Variants in ZNF655 observed in about 807,000 individuals in gnomAD.
ZNF655 encodes Vav-interacting Kruppel-like protein 1.
ZNF655 carries 3 observed loss-of-function variants against 6.6 expected under a neutral mutation model. That is an observed-to-expected ratio of 0.46 (90% confidence interval 0.21 to 1.18). ZNF655 has a LOEUF of 1.18. Ranked by LOEUF, ZNF655 falls within the 50% of genes most tolerant of loss-of-function variation. The pLI is 0.24. For synonymous variants in ZNF655, 178 were observed against 195.0 expected (o/e 0.91, Z 0.73); for missense variants, 526 against 572.3 (o/e 0.92, Z 0.83).
In ZNF655 at chr7:99,572,762, G is replaced by A; in HGVS notation, c.654G>A (p.Gly218=). The A allele has an allele frequency of 6.2e-7, 1 of 1,613,098 alleles. No individual in the cohort carries two copies. The highest frequency in any genetic ancestry group is 8.5e-7 in the Non-Finnish European group (1 of 1,179,838). ...AATCCTATAAATGTGATGTATGTGG[G>A]AAAATTTTCCATCAGAGCTCAGCCC... ...TEKSYKCDVC[G]KIFHQSSALT... The change falls in exon 3 of 3, where the codon GGG becomes GGA. Residue 218 remains glycine (G), a synonymous_variant. Transcript: ENST00000252713.
chr7:99,563,884 C>T (rs1803416280), intron 2 of ZNF655: 1 of 1,611,288 alleles, frequency 6.2e-7, no homozygotes, highest in Non-Finnish European at 8.5e-7. Context: ...CGCCTTCCCA[C>T]CACCCGGATT....
rs1278076144 is a variant in ZNF655, at chr7:99,562,322, C to T, written c.136+1627C>T. 3 of 1,609,158 alleles carry T rather than the reference C, an allele frequency of 1.9e-6. No individual in the cohort carries two copies. In the African/African-American group the frequency reaches 4.0e-5, roughly 21 times the overall value. On this transcript the variant is annotated intron_variant, in intron 2 of 2. Coordinates refer to ENST00000252713, the MANE Select transcript of ZNF655 (RefSeq NM_138494.3). Reference sequence around the variant, plus strand: ...TGATCTTCATTCTCTGGCCATGGTGCTACAGTGTTCTCATTCCTCAGAGCA... The same window carrying T: ...TGATCTTCATTCTCTGGCCATGGTGTTACAGTGTTCTCATTCCTCAGAGCA...
intron 2 of ZNF655, chr7:99,563,874 C>T (rs200897839): frequency 3.4e-5 from 55 of 1,596,722 alleles, no homozygotes; most frequent in Admixed American, 2.7e-4. Flanking sequence ...CATACTTCTC[C>T]GCCTTCCCAC....
At position 99,572,553 on chromosome 7, in the gene ZNF655, A is replaced by G. The variant is rs1273680; in HGVS notation, c.445A>G (p.Arg149Gly). 9.2e-5 allele frequency: 148 copies of G among 1,613,874 alleles called. No homozygotes were observed. The highest frequency in any genetic ancestry group is 9.5e-5 in the Non-Finnish European group (112 of 1,179,970). ...SLDSTIDADQ[R>G]VLRIQNTDDN... ...GGACTCTACTATTGATGCAGATCAG[A>G]GAGTTCTTAGAATACAGAATACCGA... Residue 149 changes from arginine (R) to glycine (G), a missense_variant, in exon 3 of 3, where the codon AGA becomes GGA. By Grantham distance (125) the Arg-to-Gly change is moderately radical (BLOSUM62 -2). Coordinates refer to ENST00000252713, the MANE Select transcript of ZNF655 (RefSeq NM_138494.3).
At chr7:99,564,612 C>T (rs975668102) in intron 2 of ZNF655, 1 of 985,242 alleles carries the variant, frequency 1.0e-6, no homozygotes. Flanking sequence ...AATTGAATAT[C>T]TACTTAATAA....
chr7:99,566,697 A>C (rs1202899079), intron 2 of ZNF655, among the ~76,000 whole-genome samples: 1 of 152,048 alleles, frequency 6.6e-6, no homozygotes, highest in East Asian at 1.9e-4. Flanking sequence ...GGTAGCTGGG[A>C]CTATAGGCCT....
intron 2 of ZNF655, chr7:99,563,870 TCTC>T: frequency 6.2e-7 from 1 of 1,611,072 alleles, no homozygotes; most frequent in Non-Finnish European, 8.5e-7. Flanking sequence ...TAGGCATACT[TCTC>T]CGCCTTCCCA....
At chr7:99,564,574 A>G (rs928810821) in intron 2 of ZNF655, 16 of 985,544 alleles carry the variant, frequency 1.6e-5, no homozygotes, top group Non-Finnish European at 1.9e-5. Context: ...AGGGAGGGCA[A>G]AGAAGTTAAA....
chr7:99,566,041 G>GTGTGTA (rs59166250), intron 2 of ZNF655, among the ~76,000 whole-genome samples: 3 of 149,996 alleles, frequency 2.0e-5, no homozygotes, highest in African/African-American at 7.4e-5. Flanking sequence ...GTGTGTGTGT[G>GTGTGTA]TATATATATA....
rs1562939782 is a variant in ZNF655, at chr7:99,573,690, A to G, written c.*106A>G. Reference sequence around the variant, plus strand: ...ATGTACTGCATGTGGTAAAGCCTTCAGTCATAGCTCAGCCATTGCTCAGCA... The same window carrying G: ...ATGTACTGCATGTGGTAAAGCCTTCGGTCATAGCTCAGCCATTGCTCAGCA... On this transcript the variant is annotated 3_prime_UTR_variant, in exon 3 of 3. Transcript: ENST00000252713. 1.5e-6 allele frequency: 2 copies of G among 1,316,880 alleles called. No individual in the cohort carries two copies. Among genetic ancestry groups the G allele is most frequent in the Non-Finnish European group, 2.1e-6 (2 of 965,936 alleles). The allele number at this position is 1,316,880 out of a possible 1,614,324, so 81.6% of individuals were successfully genotyped here.
intron 2 of ZNF655, among the ~76,000 whole-genome samples, chr7:99,565,512 G>GCTTAAGTGCTTCCA (rs1449130932): frequency 6.6e-6 from 1 of 152,198 alleles, no homozygotes; most frequent in African/African-American, 2.4e-5. Flanking sequence ...TTGGTCCTTT[G>GCTTAAGTGCTTCCA]CTTAAGTGCT....
intron 1 of ZNF655, among the ~76,000 whole-genome samples, chr7:99,559,372 G>A (rs779968865): frequency 6.6e-6 from 1 of 151,904 alleles, no homozygotes; most frequent in Non-Finnish European, 1.5e-5. Context: ...TTCCTAGGGG[G>A]CCTGCTGTTT....
At chr7:99,569,653 G>A (rs533985870) in intron 2 of ZNF655, among the ~76,000 whole-genome samples, 4 of 152,278 alleles carry the variant, frequency 2.6e-5, no homozygotes, top group East Asian at 3.9e-4. Flanking sequence ...TATTAAATGA[G>A]TGAAAACCTA....
chr7:99,567,531 CAAA>C (rs201495604), intron 2 of ZNF655, among the ~76,000 whole-genome samples: 3 of 86,846 alleles, frequency 3.5e-5, no homozygotes, highest in Admixed American at 1.2e-4. Flanking sequence ...AACTCCGTCT[CAAA>C]AAAAAAAAAA....
intron 2 of ZNF655, chr7:99,564,715 T>C: frequency 1.0e-6 from 1 of 984,958 alleles, no homozygotes. Flanking sequence ...ACCTGTCTAC[T>C]TTTTGGAGTA....
rs931619234 is a variant in ZNF655, at chr7:99,566,545, TATG to T, written c.137-5697_137-5695del. Among the ~76,000 whole-genome samples, 241 of 152,272 alleles carry T rather than the reference TATG, an allele frequency of 1.6e-3. 1 individual carries two copies. The highest frequency in any genetic ancestry group is 5.6e-3 in the African/African-American group (234 of 41,552). ...TAGCCGTAGTAAAAGCAGCAAACCA[TATG>T]ATAAGGCAAATTTTAAATATTATTT... On this transcript the variant is annotated intron_variant, in intron 2 of 2. Transcript: ENST00000252713.
intron 2 of ZNF655, chr7:99,564,094 C>T: frequency 6.4e-7 from 1 of 1,568,762 alleles, no homozygotes; most frequent in Non-Finnish European, 8.6e-7. Flanking sequence ...AGAAGCTCCC[C>T]AGGATGCCAC....
chr7:99,569,924 T>C (rs1803906630), intron 2 of ZNF655, among the ~76,000 whole-genome samples: 1 of 152,190 alleles, frequency 6.6e-6, no homozygotes. Flanking sequence ...GTGTACATTG[T>C]ACCTAATATA....
In ZNF655 at chr7:99,573,017, C is replaced by T. The variant is rs749856893; in HGVS notation, c.909C>T (p.Tyr303=). The change falls in exon 3 of 3, where the codon TAC becomes TAT. Residue 303 remains tyrosine, a synonymous_variant. Transcript: ENST00000252713. ...HKKIHTRAKS[Y]KCSSCERVFS... ...AAATTCACACCAGAGCCAAATCTTA[C>T]AAATGTAGCAGTTGTGAAAGAGTCT... The T allele has an allele frequency of 6.8e-6, 11 of 1,614,114 alleles. No homozygotes were observed. Among genetic ancestry groups the T allele is most frequent in the Admixed American group, 1.7e-5 (1 of 60,024 alleles).
Sources: allele counts gnomAD v4.1 joint callset (sites outside exome capture counted in the v4.1 genomes callset), GRCh38; gene constraint gnomAD v4.1.1; transcripts MANE v1.5; gene names NCBI Gene and HGNC (gene_info 2026-07-23, HGNC 2026-07-21).